NKX1-2: variants seen among roughly 807,000 people sequenced by gnomAD.
The protein encoded by NKX1-2 is NK1 transcription factor-related protein 2.
A neutral mutation model predicts 4.4 loss-of-function variants in NKX1-2; 1 was observed. The ratio of observed to expected loss-of-function variants is 0.23; its 90% CI spans 0.08 to 1.08. NKX1-2 has a LOEUF of 1.08. Ranked by LOEUF, NKX1-2 falls within the 50% of genes least tolerant of loss-of-function variation. NKX1-2 has a pLI of 0.55. For missense variants in NKX1-2, 503 were observed against 464.6 expected, an observed-to-expected ratio of 1.08 and a Z score of -0.76; for synonymous variants, 235 against 228.0, an observed-to-expected ratio of 1.03 and a Z score of -0.28.
At position 124,449,380 on chromosome 10, in the gene NKX1-2, G is replaced by GC. The variant is rs1952275731; in HGVS notation, c.214+349dup. On this transcript the variant is annotated intron_variant, in intron 1 of 1. Coordinates refer to ENST00000451024, the MANE Select transcript of NKX1-2 (RefSeq NM_001146340.3). This position sits in a 1 kb window ranked among gnomAD's most constrained non-coding sequence, Gnocchi z 7.5. ...CGAAGTTTTCATCACCTTTATCCCA[G>GC]CCCTTAGCCCAGGTCCTAGCACGTG... 1 of 542,674 alleles carries GC rather than the reference G, an allele frequency of 1.8e-6. No homozygotes were observed. The highest frequency in any genetic ancestry group is 1.9e-5 in the African/African-American group (1 of 53,618). 33.6% of individuals were successfully genotyped at this position (542,674 alleles called of 1,614,324 possible). A position where few individuals can be genotyped will look rare whatever the true frequency, so the allele number is the denominator to read the frequency against.
In NKX1-2 at chr10:124,447,570, C is replaced by A; in HGVS notation, c.792G>T (p.Gln264His). ...TGGCCGCGGAGTAGGAGGGGAAAGTCTGGAAGTGCAGAGCGCCGGTGCCGG... is the reference window on the plus strand; with the variant it reads ...TGGCCGCGGAGTAGGAGGGGAAAGTATGGAAGTGCAGAGCGCCGGTGCCGG... The part of the protein sequence containing the change: ...GPPGTGALHF[Q>H]TFPSYSAANV... Residue 264 changes from glutamine to histidine, a missense_variant, in exon 2 of 2, where the codon CAG becomes CAT. Coordinates refer to ENST00000451024, the MANE Select transcript of NKX1-2 (RefSeq NM_001146340.3). The A allele has an allele frequency of 7.9e-7, 1 of 1,272,824 alleles. No homozygotes were observed. The highest frequency in any genetic ancestry group is 9.9e-7 in the Non-Finnish European group (1 of 1,007,536). 78.8% of individuals were successfully genotyped at this position (1,272,824 alleles called of 1,614,324 possible).
rs139929368 is a variant in NKX1-2, at chr10:124,447,072, G to A, written c.*357C>T. On this transcript the variant is annotated 3_prime_UTR_variant, in exon 2 of 2. Coordinates refer to ENST00000451024, the MANE Select transcript of NKX1-2 (RefSeq NM_001146340.3). ...CACCTTTAAAGGTTCCATCCTAGCC[G>A]CCAGCAGCTGGCAGCCAGGGCGTCT... 4.3e-4 allele frequency: 80 copies of A among 184,194 alleles called. No individual in the cohort carries two copies. Among genetic ancestry groups the A allele is most frequent in the African/African-American group, 1.7e-3 (73 of 42,986 alleles). 11.4% of individuals were successfully genotyped at this position (184,194 alleles called of 1,614,324 possible).
Position 124,447,613 on chromosome 10 carries a change from C to G in NKX1-2, c.749G>C (p.Gly250Ala). 1.6e-6 allele frequency: 2 copies of G among 1,279,984 alleles called. No individual in the cohort carries two copies. The highest frequency in any genetic ancestry group is 2.0e-6 in the Non-Finnish European group (2 of 1,015,454). The allele number at this position is 1,279,984 out of a possible 1,614,324, so 79.3% of individuals were successfully genotyped here. ...AAGGGGGGGS[G>A]GSPGPPGTGA... Reference sequence around the variant, plus strand: ...GGTGCCGGGAGGGCCAGGACTGCCCCCCGAGCCGCCGCCGCCGCCGCCCCC... The same window carrying G: ...GGTGCCGGGAGGGCCAGGACTGCCCGCCGAGCCGCCGCCGCCGCCGCCCCC... The change falls in exon 2 of 2, where the codon GGG (glycine) becomes GCG (alanine). Residue 250 changes from glycine to alanine, a missense_variant. Gly to Ala is a moderately conservative substitution (Grantham distance 60, BLOSUM62 0). Coordinates refer to ENST00000451024, the MANE Select transcript of NKX1-2 (RefSeq NM_001146340.3).
At position 124,448,224 on chromosome 10, in the gene NKX1-2, G is replaced by A; in HGVS notation, c.215-77C>T. On this transcript the variant is annotated intron_variant, in intron 1 of 1. Coordinates refer to ENST00000451024, the MANE Select transcript of NKX1-2 (RefSeq NM_001146340.3). This position sits in a 1 kb window ranked among gnomAD's most constrained non-coding sequence, Gnocchi z 4.1. ...GTCCTCGTCCTCCCTAGAGCAAGCA[G>A]CTGTCCCCCCAACCCAACTCTGGGT... 1 of 1,355,492 alleles carries A rather than the reference G, an allele frequency of 7.4e-7. No individual in the cohort carries two copies. The highest frequency in any genetic ancestry group is 9.4e-7 in the Non-Finnish European group (1 of 1,058,210). 84.0% of individuals were successfully genotyped at this position (1,355,492 alleles called of 1,614,324 possible). A position where few individuals can be genotyped will look rare whatever the true frequency, so the allele number is the denominator to read the frequency against.
rs1315460086 is a variant in NKX1-2, at chr10:124,447,752, C to G, written c.610G>C (p.Glu204Gln). 2.7e-6 allele frequency: 4 copies of G among 1,479,924 alleles called. No individual in the cohort carries two copies. Among genetic ancestry groups the G allele is most frequent in the Non-Finnish European group, 2.7e-6 (3 of 1,108,348 alleles). 91.7% of individuals were successfully genotyped at this position (1,479,924 alleles called of 1,614,324 possible). A position where few individuals can be genotyped will look rare whatever the true frequency, so the allele number is the denominator to read the frequency against. The change falls in exon 2 of 2, where the codon GAG (glutamate) becomes CAG (glutamine). Residue 204 changes from glutamate (E) to glutamine (Q), a missense_variant. Physicochemically the swap from Glu to Gln is conservative, Grantham distance 29. Transcript: ENST00000451024. ...LNLALSLSLT[E>Q]TQVKIWFQNR... ...TGGAACCAGATTTTGACCTGCGTCT[C>G]GGTGAGGCTGAGAGACAGCGCGAGG...
chr10:124,449,017 C>G lies in NKX1-2; in HGVS notation c.214+713G>C, dbSNP rs1345194381. ...GGAGCCGCCTTTCCCTGTCTGATCCCAGCAGGACTCCTGCTGTCTTCCGTC... is the reference window on the plus strand; with the variant it reads ...GGAGCCGCCTTTCCCTGTCTGATCCGAGCAGGACTCCTGCTGTCTTCCGTC... On this transcript the variant is annotated intron_variant, in intron 1 of 1. Coordinates refer to ENST00000451024, the MANE Select transcript of NKX1-2 (RefSeq NM_001146340.3). This position sits in a 1 kb window ranked among gnomAD's most constrained non-coding sequence, Gnocchi z 7.5. Among the ~76,000 whole-genome samples, 1 of 152,220 alleles carries G rather than the reference C, an allele frequency of 6.6e-6. No individual in the cohort carries two copies. The highest frequency in any genetic ancestry group is 1.5e-5 in the Non-Finnish European group (1 of 68,048).
rs1231779351 is a variant in NKX1-2, at chr10:124,449,770, A to G, written c.174T>C (p.Asp58=). Residue 58 remains aspartate (D), a synonymous_variant, in exon 1 of 2, where the codon GAT becomes GAC. Transcript: ENST00000451024. The surrounding 1 kb of genome is among the most constrained non-coding windows in gnomAD (Gnocchi z 7.5). The stretch of plus-strand genomic sequence containing the variant: ...GTCGGACAGGGTCCCTGGAGCTGGC[A>G]TCTTTCCCCGCTTCGACCTCCGCCA... ...KSLAEVEAGK[D]ASSRDPVRQL... 2 of 1,551,500 alleles carry G rather than the reference A, an allele frequency of 1.3e-6. No homozygotes were observed. Among genetic ancestry groups the G allele is most frequent in the African/African-American group, 2.7e-5 (2 of 73,044 alleles).
Position 124,448,295 on chromosome 10 carries a change from A to C in NKX1-2, c.215-148T>G. On this transcript the variant is annotated intron_variant, in intron 1 of 1. Transcript: ENST00000451024. The surrounding 1 kb of genome is among the most constrained non-coding windows in gnomAD (Gnocchi z 4.1). Reference sequence around the variant, plus strand: ...GCGCTCCCCTTAGGCCGGACTACACATCCTCGCCAGCGGGTTTAGGGGAAT... The same window carrying C: ...GCGCTCCCCTTAGGCCGGACTACACCTCCTCGCCAGCGGGTTTAGGGGAAT... 6 of 1,234,390 alleles carry C rather than the reference A, an allele frequency of 4.9e-6. No homozygotes were observed. The highest frequency in any genetic ancestry group is 2.9e-5 in the South Asian group (1 of 34,388). 76.5% of individuals were successfully genotyped at this position (1,234,390 alleles called of 1,614,324 possible).
At position 124,447,721 on chromosome 10, in the gene NKX1-2, C is replaced by A; in HGVS notation, c.641G>T (p.Arg214Leu). The A allele has an allele frequency of 1.4e-6, 2 of 1,467,908 alleles. No individual in the cohort carries two copies. Among genetic ancestry groups the A allele is most frequent in the East Asian group, 3.0e-5 (1 of 33,488 alleles). 90.9% of individuals were successfully genotyped at this position (1,467,908 alleles called of 1,614,324 possible). ...ETQVKIWFQN[R>L]RTKWKKQNPG... is the part of the protein sequence containing the mutation. ...GTTCTGCTTCTTCCACTTGGTCCTGCGATTCTGGAACCAGATTTTGACCTG... is the reference window on the plus strand; with the variant it reads ...GTTCTGCTTCTTCCACTTGGTCCTGAGATTCTGGAACCAGATTTTGACCTG... Residue 214 changes from arginine to leucine, a missense_variant, in exon 2 of 2, where the codon CGC becomes CTC. Arg to Leu is a moderately radical substitution (Grantham distance 102, BLOSUM62 -2). Transcript: ENST00000451024.
In NKX1-2 at chr10:124,447,996, G is replaced by T; in HGVS notation, c.366C>A (p.Ala122=). 6.7e-7 allele frequency: 1 copy of T among 1,485,660 alleles called. No individual in the cohort carries two copies. The highest frequency in any genetic ancestry group is 1.5e-5 in the African/African-American group (1 of 68,284). The allele number at this position is 1,485,660 out of a possible 1,614,324, so 92.0% of individuals were successfully genotyped here. The change falls in exon 2 of 2, where the codon GCC becomes GCA. Residue 122 remains alanine (A), a synonymous_variant. Coordinates refer to ENST00000451024, the MANE Select transcript of NKX1-2 (RefSeq NM_001146340.3). The stretch of plus-strand genomic sequence containing the variant: ...AGGGCTCCCCAGACGCCAATGCCCC[G>T]GCCGGGGCGTCAGGTGAGCGCGCTA... ...PGLARSPDAP[A]GALASGEPCE... is the part of the protein sequence containing the mutation.
rs1411272294 is a variant in NKX1-2, at chr10:124,446,937, C to T, written c.*492G>A. Reference sequence around the variant, plus strand: ...GCTCCAGGACCAAGCTCTCCCCAGCCTCGTTCAGGATTTGGAAGAACTCTC... The same window carrying T: ...GCTCCAGGACCAAGCTCTCCCCAGCTTCGTTCAGGATTTGGAAGAACTCTC... On this transcript the variant is annotated 3_prime_UTR_variant, in exon 2 of 2. Coordinates refer to ENST00000451024, the MANE Select transcript of NKX1-2 (RefSeq NM_001146340.3). 3 of 152,930 alleles carry T rather than the reference C, an allele frequency of 2.0e-5. No homozygotes were observed. Among genetic ancestry groups the T allele is most frequent in the African/African-American group, 7.2e-5 (3 of 41,486 alleles). 9.5% of individuals were successfully genotyped at this position (152,930 alleles called of 1,614,324 possible).
chr10:124,448,241 A>G lies in NKX1-2; in HGVS notation c.215-94T>C. ...AGCAAGCAGCTGTCCCCCCAACCCA[A>G]CTCTGGGTGCTGCTCCTGTCCCCAC... On this transcript the variant is annotated intron_variant, in intron 1 of 1. Transcript: ENST00000451024. This position sits in a 1 kb window ranked among gnomAD's most constrained non-coding sequence, Gnocchi z 4.1. 3.7e-6 allele frequency: 5 copies of G among 1,333,740 alleles called. No homozygotes were observed. The highest frequency in any genetic ancestry group is 4.8e-6 in the Non-Finnish European group (5 of 1,046,186). The allele number at this position is 1,333,740 out of a possible 1,614,324, so 82.6% of individuals were successfully genotyped here.
rs748846257 is a variant in NKX1-2 at position 124,446,454 on chromosome 10, T to G, written c.*975A>C. On this transcript the variant is annotated 3_prime_UTR_variant, in exon 2 of 2. Coordinates refer to ENST00000451024, the MANE Select transcript of NKX1-2 (RefSeq NM_001146340.3). ...ACTGTCCACATGTAGTGTGTGCTGA[T>G]GGAGCTAGCTCTTCCCCATCCTGGC... is the stretch of plus-strand genomic sequence containing the variant. 6.6e-6 allele frequency: 1 copy of G among 152,268 alleles called. No individual in the cohort carries two copies. Among genetic ancestry groups the G allele is most frequent in the Non-Finnish European group, 1.5e-5 (1 of 68,052 alleles). The allele number at this position is 152,268 out of a possible 1,614,324, so 9.4% of individuals were successfully genotyped here.
chr10:124,447,482 C>G lies in NKX1-2; in HGVS notation c.880G>C (p.Ala294Pro). Residue 294 changes from alanine (A) to proline (P), a missense_variant, in exon 2 of 2, where the codon GCG becomes CCG. Coordinates refer to ENST00000451024, the MANE Select transcript of NKX1-2 (RefSeq NM_001146340.3). ...LTAAAPGSPF[A>P]PFLGPSYLTP... The stretch of plus-strand genomic sequence containing the variant: ...AGGTAGGAAGGCCCAAGGAACGGCG[C>G]GAAAGGGCTCCCGGGGGCGGCAGCC... The G allele has an allele frequency of 1.6e-6, 2 of 1,270,458 alleles. No individual in the cohort carries two copies. The highest frequency in any genetic ancestry group is 2.0e-6 in the Non-Finnish European group (2 of 1,004,158). The allele number at this position is 1,270,458 out of a possible 1,614,324, so 78.7% of individuals were successfully genotyped here.
Position 124,448,348 on chromosome 10 carries a change from C to A in NKX1-2, c.215-201G>T. 1 of 820,200 alleles carries A rather than the reference C, an allele frequency of 1.2e-6. No individual in the cohort carries two copies. The highest frequency in any genetic ancestry group is 1.6e-6 in the Non-Finnish European group (1 of 609,532). The allele number at this position is 820,200 out of a possible 1,614,324, so 50.8% of individuals were successfully genotyped here. A position where few individuals can be genotyped will look rare whatever the true frequency, so the allele number is the denominator to read the frequency against. ...TGTCCTCTTGCCCTTTACAAATCTG[C>A]CATCAAGTAGGCGTCCAAGAAATGT... is the stretch of plus-strand genomic sequence containing the variant. On this transcript the variant is annotated intron_variant, in intron 1 of 1. Transcript: ENST00000451024. This position sits in a 1 kb window ranked among gnomAD's most constrained non-coding sequence, Gnocchi z 4.1.
rs975562895 is a variant in NKX1-2, at chr10:124,449,733, G to T, written c.211C>A (p.Pro71Thr). 2.4e-5 allele frequency: 37 copies of T among 1,550,150 alleles called. No individual in the cohort carries two copies. The highest frequency in any genetic ancestry group is 2.8e-5 in the Non-Finnish European group (32 of 1,145,920). The change falls in exon 1 of 2, where the codon CCT becomes ACT. Residue 71 changes from proline (P) to threonine (T), a missense_variant. Pro to Thr is a conservative substitution (Grantham distance 38). Transcript: ENST00000451024. The surrounding 1 kb of genome is among the most constrained non-coding windows in gnomAD (Gnocchi z 7.5). Reference protein sequence around the residue: ...SRDPVRQLETPDAAGPGAGQA... With the variant: ...SRDPVRQLETTDAAGPGAGQA... Reference sequence around the variant, plus strand: ...CCGGGGCCGCCTTGCATCTTACCAGGGGTCTCCAGCTGTCGGACAGGGTCC... The same window carrying T: ...CCGGGGCCGCCTTGCATCTTACCAGTGGTCTCCAGCTGTCGGACAGGGTCC...
rs769682525 is a variant in NKX1-2 at position 124,445,900 on chromosome 10, CAT to C, written c.*1527_*1528del. ...ATAACAGAACTAGATATTTCAAGAT[CAT>C]AGTCATGGAATGTAATCCATAATAC... is the stretch of plus-strand genomic sequence containing the variant. On this transcript the variant is annotated 3_prime_UTR_variant, in exon 2 of 2. Transcript: ENST00000451024. The C allele has an allele frequency of 3.3e-5, 5 of 152,276 alleles. No homozygotes were observed. The highest frequency in any genetic ancestry group is 7.4e-5 in the Non-Finnish European group (5 of 68,014). The allele number at this position is 152,276 out of a possible 1,614,324, so 9.4% of individuals were successfully genotyped here.
rs373238153 is a variant in NKX1-2 at position 124,448,045 on chromosome 10, C to A, written c.317G>T (p.Arg106Leu). 4 of 1,519,356 alleles carry A rather than the reference C, an allele frequency of 2.6e-6. No individual in the cohort carries two copies. Among genetic ancestry groups the A allele is most frequent in the Admixed American group, 2.0e-5 (1 of 49,788 alleles). The allele number at this position is 1,519,356 out of a possible 1,614,324, so 94.1% of individuals were successfully genotyped here. Reference sequence around the variant, plus strand: ...TAGGCCCGGCAGCAAGCGCGCAGCCCGCTCCCGCAGCCGCGGCCTCCTCGG... The same window carrying A: ...TAGGCCCGGCAGCAAGCGCGCAGCCAGCTCCCGCAGCCGCGGCCTCCTCGG... ...EDPRRPRLRE[R>L]AARLLPGLAR... The change falls in exon 2 of 2, where the codon CGG becomes CTG. Residue 106 changes from arginine (R) to leucine (L), a missense_variant. Physicochemically the swap from Arg to Leu is moderately radical, Grantham distance 102. Transcript: ENST00000451024. This position sits in a 1 kb window ranked among gnomAD's most constrained non-coding sequence, Gnocchi z 4.1.
Position 124,448,270 on chromosome 10 carries a change from G to A in NKX1-2, c.215-123C>T. 1 of 1,310,052 alleles carries A rather than the reference G, an allele frequency of 7.6e-7. No homozygotes were observed. Among genetic ancestry groups the A allele is most frequent in the Non-Finnish European group, 9.7e-7 (1 of 1,032,038 alleles). The allele number at this position is 1,310,052 out of a possible 1,614,324, so 81.2% of individuals were successfully genotyped here. On this transcript the variant is annotated intron_variant, in intron 1 of 1. Coordinates refer to ENST00000451024, the MANE Select transcript of NKX1-2 (RefSeq NM_001146340.3). This position sits in a 1 kb window ranked among gnomAD's most constrained non-coding sequence, Gnocchi z 4.1. ...TGGGTGCTGCTCCTGTCCCCACATC[G>A]CGCTCCCCTTAGGCCGGACTACACA...
Sources: allele counts gnomAD v4.1 joint callset (sites outside exome capture counted in the v4.1 genomes callset), GRCh38; gene constraint gnomAD v4.1.1; non-coding constraint Gnocchi (gnomAD v3.1); transcripts MANE v1.5; gene names NCBI Gene and HGNC (gene_info 2026-07-23, HGNC 2026-07-21).